Variants in ROBO1 observed in about 807,000 individuals in gnomAD.
The protein encoded by ROBO1 is roundabout homolog 1.
A neutral mutation model predicts 195.9 loss-of-function variants in ROBO1; 149 were observed. The observed-to-expected ratio is 0.76, with a 90% CI of 0.67 to 0.87. ROBO1 has a LOEUF of 0.87. Ranked by LOEUF, ROBO1 falls within the 40% of genes least tolerant of loss-of-function variation. ROBO1 has a pLI of 0.00. For missense variants in ROBO1, 1,933 were observed against 2,068.3 expected, an observed-to-expected ratio of 0.93 and a Z score of 1.27; for synonymous variants, 816 against 733.2, an observed-to-expected ratio of 1.11 and a Z score of -1.82.
At position 78,672,723 on chromosome 3, in the gene ROBO1, C is replaced by T. The variant is rs150138202; in HGVS notation, c.1343-2422G>A. Among the ~76,000 whole-genome samples, 298 of 151,912 alleles carry T rather than the reference C, an allele frequency of 2.0e-3. 2 individuals carry two copies. The highest frequency in any genetic ancestry group is 6.9e-3 in the African/African-American group (285 of 41,438). ...AATACTCGTAAAATGTTTACACTTA[C>T]AGACACCAAAGAATGTACTGCATTT... On this transcript the variant is annotated intron_variant, in intron 10 of 30. Transcript: ENST00000464233.
intron 1 of ROBO1, among the ~76,000 whole-genome samples, chr3:79,674,206 C>A (rs2106923865): frequency 6.6e-6 from 1 of 152,032 alleles, no homozygotes; most frequent in East Asian, 1.9e-4. Flanking sequence ...GTTCTGGGAA[C>A]TTGGGTAGAT....
At chr3:78,988,774 T>C (rs1403949621) in intron 3 of ROBO1, among the ~76,000 whole-genome samples, 1 of 152,188 alleles carries the variant, frequency 6.6e-6, no homozygotes, top group Non-Finnish European at 1.5e-5. Context: ...CAAGCAATTA[T>C]TTTGCAAACC....
chr3:79,002,570 C>T (rs1224863474), intron 3 of ROBO1, among the ~76,000 whole-genome samples: 1 of 152,036 alleles, frequency 6.6e-6, no homozygotes, highest in Non-Finnish European at 1.5e-5. Flanking sequence ...GCCAGACACA[C>T]AAAATGTGAT....
chr3:79,577,717 A>ACAC lies in ROBO1; in HGVS notation c.88+12106_88+12107insGTG, dbSNP rs1943533321. Among the ~76,000 whole-genome samples the ACAC allele has an allele frequency of 1.1e-4, 15 of 140,720 alleles. No homozygotes were observed. In the East Asian group the frequency reaches 1.3e-3, roughly 12 times the overall value. 92.3% of individuals were successfully genotyped at this position (140,720 alleles called of 152,430 possible). A position where few individuals can be genotyped will look rare whatever the true frequency, so the allele number is the denominator to read the frequency against. ...ATGAAGAAATCCTGTCTTTACTAAA[A>ACAC]ACACACACACACACACACACACACA... On this transcript the variant is annotated intron_variant, in intron 2 of 30. Coordinates refer to ENST00000464233, the MANE Select transcript of ROBO1 (RefSeq NM_002941.4).
intron 26 of ROBO1, among the ~76,000 whole-genome samples, chr3:78,624,359 A>T (rs1478735756): frequency 6.6e-6 from 1 of 152,152 alleles, no homozygotes; most frequent in Non-Finnish European, 1.5e-5. Flanking sequence ...AGCACTTTTT[A>T]AAAATGGGCT....
intron 2 of ROBO1, among the ~76,000 whole-genome samples, chr3:79,396,508 A>G (rs2037162044): frequency 6.6e-6 from 1 of 152,106 alleles, no homozygotes; most frequent in African/African-American, 2.4e-5. Flanking sequence ...TTGTAAAATA[A>G]AGGTATTGGT....
At chr3:78,945,136 T>C (rs1481579653) in intron 3 of ROBO1, among the ~76,000 whole-genome samples, 1 of 152,128 alleles carries the variant, frequency 6.6e-6, no homozygotes, top group Non-Finnish European at 1.5e-5. Flanking sequence ...CTCTGCAGAT[T>C]TAAATGTCCC....
intron 2 of ROBO1, among the ~76,000 whole-genome samples, chr3:79,561,915 G>A (rs911201353): frequency 1.3e-5 from 2 of 152,088 alleles, no homozygotes; most frequent in Admixed American, 6.6e-5. Context: ...GTGGTACCTC[G>A]AGGATGATTT....
At chr3:79,301,063 T>G (rs1468056360) in intron 2 of ROBO1, among the ~76,000 whole-genome samples, 1 of 152,132 alleles carries the variant, frequency 6.6e-6, no homozygotes, top group African/African-American at 2.4e-5. Flanking sequence ...TCGGGTCACC[T>G]TCCACGCTGT....
chr3:79,504,668 T>A (rs959446278), intron 2 of ROBO1, among the ~76,000 whole-genome samples: 1 of 152,222 alleles, frequency 6.6e-6, no homozygotes, highest in Non-Finnish European at 1.5e-5. Context: ...TACTTATCTC[T>A]TAATTACTTT....
chr3:78,914,925 T>C (rs1345492851), intron 4 of ROBO1, among the ~76,000 whole-genome samples: 1 of 151,730 alleles, frequency 6.6e-6, no homozygotes, highest in African/African-American at 2.4e-5. Flanking sequence ...ATGTACTTTC[T>C]CAAGGATCAG....
At chr3:79,017,454 T>C (rs1383390983) in intron 3 of ROBO1, among the ~76,000 whole-genome samples, 2 of 137,112 alleles carry the variant, frequency 1.5e-5, no homozygotes, top group South Asian at 2.6e-4. Flanking sequence ...AGGTGCAGTG[T>C]GTGTGTGTGT....
At chr3:78,672,239 T>C (rs1197707528) in intron 10 of ROBO1, among the ~76,000 whole-genome samples, 4 of 131,076 alleles carry the variant, frequency 3.1e-5, no homozygotes, top group African/African-American at 1.0e-4. Context: ...GTGTCCTCTT[T>C]GGTAAAAACA....
intron 2 of ROBO1, among the ~76,000 whole-genome samples, chr3:79,498,489 C>T (rs574205341): frequency 1.3e-5 from 2 of 152,222 alleles, no homozygotes; most frequent in African/African-American, 4.8e-5. Flanking sequence ...AATCTTATTT[C>T]TGTAATTCGA....
chr3:79,672,105 G>A (rs768829904), intron 1 of ROBO1, among the ~76,000 whole-genome samples: 1 of 151,874 alleles, frequency 6.6e-6, no homozygotes, highest in Non-Finnish European at 1.5e-5. Flanking sequence ...TAGAACAACC[G>A]TTCACCCTGT....
chr3:79,705,042 C>G (rs1183389218), intron 1 of ROBO1, among the ~76,000 whole-genome samples: 1 of 151,872 alleles, frequency 6.6e-6, no homozygotes, highest in Non-Finnish European at 1.5e-5. Context: ...TTTTGCTTTT[C>G]TTCTTGAGTT....
chr3:78,649,964 GCACTTCATAAGAAA>G (rs1474201386), intron 19 of ROBO1, among the ~76,000 whole-genome samples: 1 of 152,080 alleles, frequency 6.6e-6, no homozygotes, highest in Non-Finnish European at 1.5e-5. Flanking sequence ...CGTAGCTATG[GCACTTCATAAGAAA>G]CACAGGATTC....
intron 2 of ROBO1, among the ~76,000 whole-genome samples, chr3:79,302,969 G>T (rs554519726): frequency 4.6e-5 from 7 of 152,042 alleles, no homozygotes; most frequent in Admixed American, 1.3e-4. Flanking sequence ...GTCCTATTTT[G>T]CTGAGTGTTA....
In ROBO1 at chr3:79,114,727, T is replaced by C. The variant is rs540005393; in HGVS notation, c.172+10729A>G. ...AAGTGAAAGACAAGTGGCTGCTTTT[T>C]GGCTCACATTTTTCATTATATACAT... On this transcript the variant is annotated intron_variant, in intron 3 of 30. Transcript: ENST00000464233. Among the ~76,000 whole-genome samples, 9 of 152,332 alleles carry C rather than the reference T, an allele frequency of 5.9e-5. No homozygotes were observed. In the East Asian group the frequency reaches 1.5e-3, roughly 26 times the overall value.
Sources: allele counts gnomAD v4.1 joint callset (sites outside exome capture counted in the v4.1 genomes callset), GRCh38; gene constraint gnomAD v4.1.1; transcripts MANE v1.5; gene names NCBI Gene and HGNC (gene_info 2026-07-23, HGNC 2026-07-21).